KMT2C: variants seen among roughly 807,000 people sequenced by gnomAD.
The protein encoded by KMT2C is histone-lysine N-methyltransferase 2C.
In KMT2C, 88 loss-of-function variants were observed where a neutral mutation model predicts 507.9. The observed-to-expected ratio is 0.17, with a 90% CI of 0.15 to 0.21. KMT2C has a LOEUF of 0.21. Among genes scored for constraint, KMT2C ranks in the 10% least tolerant of loss-of-function variants. The pLI is 1.00. For synonymous variants in KMT2C, 2,049 were observed against 2,080.8 expected, an observed-to-expected ratio of 0.98 and a Z score of 0.42; for missense variants, 4,954 against 5,957.8, an observed-to-expected ratio of 0.83 and a Z score of 5.55.
chr7:152,211,419 A>G (rs1256461667), intron 23 of KMT2C, among the ~76,000 whole-genome samples: 1 of 152,228 alleles, frequency 6.6e-6, no homozygotes, highest in Non-Finnish European at 1.5e-5. Context: ...TGCAGAAAAC[A>G]CATGTAACAC....
chr7:152,215,452 T>C (rs2094550033), intron 23 of KMT2C, among the ~76,000 whole-genome samples: 1 of 139,748 alleles, frequency 7.2e-6, no homozygotes, highest in Admixed American at 8.1e-5. Flanking sequence ...AGGCGGAGCT[T>C]GCAGTGAGCA....
rs1207953512 is a variant in KMT2C at position 152,219,581 on chromosome 7, TA to T, written c.3712+941del. Among the ~76,000 whole-genome samples the T allele has an allele frequency of 7.6e-4, 105 of 137,342 alleles. 1 individual carries two copies. In the South Asian group the frequency reaches 9.0e-3, roughly 12 times the overall value. The allele number at this position is 137,342 out of a possible 152,430, so 90.1% of individuals were successfully genotyped here. A position where few individuals can be genotyped will look rare whatever the true frequency, so the allele number is the denominator to read the frequency against. ...GGCAACGTAACAAGACACTGCCCCT[TA>T]AAAAAAAAAAACAAAAAACTATGAA... On this transcript the variant is annotated intron_variant, in intron 23 of 58. Coordinates refer to ENST00000262189, the MANE Select transcript of KMT2C (RefSeq NM_170606.3).
At chr7:152,410,833 C>CA (rs2097674895) in intron 1 of KMT2C, among the ~76,000 whole-genome samples, 1 of 151,426 alleles carries the variant, frequency 6.6e-6, no homozygotes, top group Non-Finnish European at 1.5e-5. Flanking sequence ...GCCGTCTCTA[C>CA]AAAAAATAAA....
At chr7:152,353,070 T>C (rs143763526) in intron 2 of KMT2C, among the ~76,000 whole-genome samples, 289 of 152,328 alleles carry the variant, frequency 1.9e-3, no homozygotes, top group African/African-American at 6.8e-3. Context: ...TTCACTCAAG[T>C]TGATTTTATT....
At chr7:152,220,156 T>C (rs1336657160) in intron 23 of KMT2C, 1 of 211,634 alleles carries the variant, frequency 4.7e-6, no homozygotes, top group African/African-American at 2.3e-5. Flanking sequence ...ATTTCTAGAA[T>C]GTATGCATCA....
intron 9 of KMT2C, among the ~76,000 whole-genome samples, chr7:152,261,839 G>T (rs2095785204): frequency 6.6e-6 from 1 of 152,106 alleles, no homozygotes; most frequent in Non-Finnish European, 1.5e-5. Flanking sequence ...CCTTTCCAAT[G>T]ATAAGTCATT....
chr7:152,364,617 A>AAAAGAAAG (rs1339634906), intron 1 of KMT2C, among the ~76,000 whole-genome samples: 1 of 149,918 alleles, frequency 6.7e-6, no homozygotes. Flanking sequence ...TCCAAAAAAA[A>AAAAGAAAG]AAAGAAAAGA....
chr7:152,367,014 G>T (rs2097252763), intron 1 of KMT2C: 6 of 591,152 alleles, frequency 1.0e-5, no homozygotes, highest in Non-Finnish European at 1.8e-5. Flanking sequence ...CCTCACCTGA[G>T]CCTGGGCTCT....
chr7:152,171,616 G>C (rs887909056), intron 39 of KMT2C, among the ~76,000 whole-genome samples: 1 of 152,190 alleles, frequency 6.6e-6, no homozygotes, highest in South Asian at 2.1e-4. Context: ...AGGACTAGTA[G>C]GGCTGCAATA....
rs142317574 is a variant in KMT2C, at chr7:152,191,153, A to G, written c.4660+2856T>C. The stretch of plus-strand genomic sequence containing the variant: ...TCTTAATAAATCTCATCCTTCCCAC[A>G]TGTGCAATTAGCACAATTACACAGA... On this transcript the variant is annotated intron_variant, in intron 31 of 58. Transcript: ENST00000262189. Among the ~76,000 whole-genome samples, 556 of 152,338 alleles carry G rather than the reference A, an allele frequency of 3.6e-3. 3 individuals carry two copies. Among genetic ancestry groups the G allele is most frequent in the African/African-American group, 0.013 (533 of 41,582 alleles).
At chr7:152,223,512 G>A (rs1200437948) in intron 20 of KMT2C, among the ~76,000 whole-genome samples, 1 of 152,098 alleles carries the variant, frequency 6.6e-6, no homozygotes, top group Non-Finnish European at 1.5e-5. Context: ...CTTTAGTCTT[G>A]GGCGGGCACA....
At chr7:152,238,877 A>T (rs113178923) in intron 14 of KMT2C, 51 bp from the exon 15 acceptor site, 12 of 1,529,602 alleles carry the variant, frequency 7.8e-6, no homozygotes, top group Non-Finnish European at 8.8e-6. Flanking sequence ...GCAACATAAA[A>T]GGTCAAAGCC....
intron 19 of KMT2C, 55 bp downstream of exon 19, chr7:152,224,380 G>A: frequency 6.5e-7 from 1 of 1,546,490 alleles, no homozygotes. Flanking sequence ...AACCAAAGTG[G>A]TATGAGAAAG....
At chr7:152,409,287 G>A (rs1203788692) in intron 1 of KMT2C, among the ~76,000 whole-genome samples, 1 of 151,986 alleles carries the variant, frequency 6.6e-6, no homozygotes, top group Admixed American at 6.6e-5. Flanking sequence ...GATTAGAGGT[G>A]TGAGCCACCA....
Position 152,262,934 on chromosome 7 carries a change from G to C in KMT2C, c.1299+82C>G, listed in dbSNP as rs921807021. 52 of 979,588 alleles carry C rather than the reference G, an allele frequency of 5.3e-5. No homozygotes were observed. The African/African-American group carries it at 8.0e-4, about 15-fold the overall frequency. 60.7% of individuals were successfully genotyped at this position (979,588 alleles called of 1,614,324 possible). On this transcript the variant is annotated intron_variant, in intron 9 of 58. Transcript: ENST00000262189. ...AAAAAGCTGATGGTGATGATGTACA[G>C]ATTTGAATAGGTATCCGATTTGTCT...
chr7:152,364,410 A>G (rs1365493390), intron 1 of KMT2C, among the ~76,000 whole-genome samples: 5 of 152,060 alleles, frequency 3.3e-5, no homozygotes, highest in Non-Finnish European at 5.9e-5. Flanking sequence ...GATCGAGACC[A>G]TCCTGGCTAA....
intron 1 of KMT2C, among the ~76,000 whole-genome samples, chr7:152,432,939 G>A (rs1186365660): frequency 6.6e-6 from 1 of 151,044 alleles, no homozygotes; most frequent in Non-Finnish European, 1.5e-5. Context: ...CTGAGGTCGG[G>A]GGTTCAAGAC....
At chr7:152,173,171 CA>C (rs1009914977) in intron 39 of KMT2C, among the ~76,000 whole-genome samples, 3 of 152,078 alleles carry the variant, frequency 2.0e-5, no homozygotes, top group Non-Finnish European at 4.4e-5. Context: ...TAACCATGTC[CA>C]AAGTATCTCA....
chr7:152,379,142 C>CT (rs2097350871), intron 1 of KMT2C, among the ~76,000 whole-genome samples: 1 of 152,104 alleles, frequency 6.6e-6, no homozygotes, highest in African/African-American at 2.4e-5. Context: ...TTTCAATGCC[C>CT]TTTTTTTAAA....
Sources: gnomAD v4.1 joint callset for allele counts (sites outside exome capture counted in the v4.1 genomes callset) on GRCh38, gnomAD v4.1.1 for gene constraint, MANE v1.5 for transcripts, NCBI Gene and HGNC (gene_info 2026-07-23, HGNC 2026-07-21) for gene names.